The following FBXL13 variants were observed in gnomAD, a reference collection of about 807,000 sequenced individuals.
FBXL13 encodes F-box and leucine-rich repeat protein 13.
A neutral mutation model predicts 83.6 loss-of-function variants in FBXL13; 67 were observed. The observed-to-expected ratio is 0.80, with a 90% confidence interval of 0.66 to 0.98. The LOEUF (loss-of-function observed/expected upper bound fraction) is 0.98. FBXL13 is among the 50% of genes least tolerant of loss of function. FBXL13 has a pLI of 0.00. For synonymous variants in FBXL13, 272 were observed against 299.5 expected (o/e 0.91, Z 0.95); for missense variants, 822 against 866.5 (o/e 0.95, Z 0.64).
chr7:103,031,842 G>A (rs932974992), intron 2 of FBXL13, among the ~76,000 whole-genome samples: 10 of 152,136 alleles, frequency 6.6e-5, no homozygotes, highest in Non-Finnish European at 1.5e-4. Context: ...TAGGCCAGTG[G>A]CCTACAAGAA....
chr7:102,844,244 A>G (rs1385869869), intron 17 of FBXL13, among the ~76,000 whole-genome samples: 2 of 152,254 alleles, frequency 1.3e-5, no homozygotes, highest in African/African-American at 2.4e-5. Flanking sequence ...GTTAATAAAA[A>G]TAAGAGGGAG....
intron 6 of FBXL13, among the ~76,000 whole-genome samples, chr7:103,003,495 C>A (rs912164961): frequency 2.6e-5 from 4 of 151,816 alleles, no homozygotes; most frequent in Non-Finnish European, 5.9e-5. Flanking sequence ...CCATGTTGGT[C>A]AGGCTGGTCT....
intron 17 of FBXL13, among the ~76,000 whole-genome samples, chr7:102,848,210 A>T (rs1386183298): frequency 6.6e-6 from 1 of 152,244 alleles, no homozygotes; most frequent in African/African-American, 2.4e-5. Context: ...TGAAATAATT[A>T]GAAATTTTTG....
intron 16 of FBXL13, 90 bp from the exon 18 acceptor site, chr7:102,854,950 TA>T: frequency 1.5e-6 from 1 of 668,564 alleles, no homozygotes; most frequent in East Asian, 3.2e-5. Flanking sequence ...ACTGACAACA[TA>T]AAAAACCATT....
chr7:102,992,148 T>G (rs1421975543), intron 6 of FBXL13, among the ~76,000 whole-genome samples: 3 of 151,534 alleles, frequency 2.0e-5, no homozygotes, highest in Non-Finnish European at 4.4e-5. Flanking sequence ...AGGGGGAGGG[T>G]GAGGGAAGAA....
chr7:102,976,201 C>G (rs1467623147), intron 6 of FBXL13: 6 of 762,944 alleles, frequency 7.9e-6, no homozygotes, highest in Non-Finnish European at 1.4e-5. Flanking sequence ...ATCGCTTCAT[C>G]TGAGCCAAGG....
At chr7:103,001,095 C>G (rs1790343539) in intron 6 of FBXL13, among the ~76,000 whole-genome samples, 1 of 151,992 alleles carries the variant, frequency 6.6e-6, no homozygotes, top group Non-Finnish European at 1.5e-5. Context: ...CAGGCACATC[C>G]CACCACACCC....
intron 18 of FBXL13, among the ~76,000 whole-genome samples, chr7:102,828,408 T>C (rs1800100812): frequency 6.6e-6 from 1 of 152,216 alleles, no homozygotes; most frequent in Admixed American, 6.5e-5. Flanking sequence ...CTTATGGTCA[T>C]TTTAAAACCT....
chr7:102,988,584 G>A (rs1367518946), intron 6 of FBXL13: 1 of 152,246 alleles, frequency 6.6e-6, no homozygotes, highest in Non-Finnish European at 1.5e-5. Context: ...CCCCAAGGAT[G>A]AATGTAGCCA....
At chr7:102,998,407 G>A (rs192635041) in intron 6 of FBXL13, among the ~76,000 whole-genome samples, 4 of 152,042 alleles carry the variant, frequency 2.6e-5, no homozygotes, top group African/African-American at 9.6e-5. Context: ...TCCATTTTTT[G>A]TGTGTTCTCT....
At chr7:102,873,831 G>T (rs1808865881) in intron 16 of FBXL13, among the ~76,000 whole-genome samples, 1 of 152,178 alleles carries the variant, frequency 6.6e-6, no homozygotes, top group East Asian at 1.9e-4. Flanking sequence ...TGTGCAGGCT[G>T]CTTCTTTGGC....
Position 103,027,432 on chromosome 7 carries a change from G to A in FBXL13, c.327+17C>T, listed in dbSNP as rs1794057769. 2 of 1,538,604 alleles carry A rather than the reference G, an allele frequency of 1.3e-6. No individual in the cohort carries two copies. Among genetic ancestry groups the A allele is most frequent in the Admixed American group, 1.8e-5 (1 of 56,834 alleles). ...GAAACATTCGGATTCTTAAAAAATT[G>A]TTTCAATATACAATACCAGCTCATC... On this transcript the variant is annotated intron_variant, in intron 5 of 19. Coordinates refer to ENST00000313221, the Ensembl canonical transcript of FBXL13.
intron 6 of FBXL13, chr7:102,975,830 G>A (rs547748951): frequency 2.2e-5 from 14 of 644,528 alleles, no homozygotes; most frequent in South Asian, 1.4e-4. Flanking sequence ...TTTAACAATC[G>A]TGATGAGGAA....
chr7:103,069,582 T>A (rs1200872206), intron 1 of FBXL13, among the ~76,000 whole-genome samples: 1 of 152,112 alleles, frequency 6.6e-6, no homozygotes, highest in Admixed American at 6.5e-5. Flanking sequence ...GAGCTATGCC[T>A]GAGGAATAGG....
intron 6 of FBXL13, among the ~76,000 whole-genome samples, chr7:103,008,393 G>C (rs1039391200): frequency 6.6e-6 from 1 of 152,098 alleles, no homozygotes; most frequent in South Asian, 2.1e-4. Flanking sequence ...AACTGTAAAA[G>C]CATGCCCTGT....
chr7:102,992,426 G>A (rs976345181), intron 6 of FBXL13, among the ~76,000 whole-genome samples: 3 of 152,016 alleles, frequency 2.0e-5, no homozygotes, highest in African/African-American at 2.4e-5. Context: ...TGACAGAAGC[G>A]GCCACCCAGA....
intron 2 of FBXL13, among the ~76,000 whole-genome samples, chr7:103,051,765 T>C (rs551725304): frequency 8.5e-5 from 13 of 152,276 alleles, no homozygotes. Context: ...GGGGAAATGA[T>C]GTACAGAAAT....
intron 6 of FBXL13, among the ~76,000 whole-genome samples, chr7:102,975,657 G>A (rs1159934408): frequency 6.6e-6 from 1 of 152,158 alleles, no homozygotes; most frequent in Non-Finnish European, 1.5e-5. Context: ...CTGAAGCCAT[G>A]AGAAAATATA....
rs186458103 is a variant in FBXL13 at position 102,833,431 on chromosome 7, G to A, written c.1720-457C>T. On this transcript the variant is annotated intron_variant, in intron 17 of 19. Transcript: ENST00000313221. ...AGCAAGTTACTATCTTTCTGAGCCTGTTTCCTTTTTTTTTTTTTTTTTGAG... is the reference window on the plus strand; with the variant it reads ...AGCAAGTTACTATCTTTCTGAGCCTATTTCCTTTTTTTTTTTTTTTTTGAG... 2.1e-4 allele frequency among the ~76,000 whole-genome samples: 30 copies of A among 143,950 alleles called. No individual in the cohort carries two copies. The East Asian group carries it at 5.6e-3, about 27-fold the overall frequency. 94.4% of individuals were successfully genotyped at this position (143,950 alleles called of 152,430 possible).
Sources: gnomAD v4.1 joint callset for allele counts (sites outside exome capture counted in the v4.1 genomes callset) on GRCh38, gnomAD v4.1.1 for gene constraint, MANE v1.5 for transcripts, NCBI Gene and HGNC (gene_info 2026-07-23, HGNC 2026-07-21) for gene names.